CSTPP1: variants seen among roughly 807,000 people sequenced by gnomAD.
CSTPP1 encodes the protein UPF0705 protein C11orf49.
the CSTPP1 span, among the ~76,000 whole-genome samples, chr11:47,031,652 G>A: frequency 1.3e-5 from 2 of 151,456 alleles, no homozygotes; most frequent in Non-Finnish European, 1.5e-5. Context: ...AGCTATGATC[G>A]TGCCACTGCA....
At chr11:47,097,250 C>G in the CSTPP1 span, among the ~76,000 whole-genome samples, 384 of 123,008 alleles carry the variant, frequency 3.1e-3, 1 homozygote, top group Non-Finnish European at 4.5e-3. Context: ...CTCTGCCCGG[C>G]CAGCCGCCCC....
the CSTPP1 span, among the ~76,000 whole-genome samples, chr11:47,003,382 A>G: frequency 6.6e-6 from 1 of 152,210 alleles, no homozygotes; most frequent in Non-Finnish European, 1.5e-5. Context: ...AAGGAAGGAC[A>G]GTTAGGATTT....
chr11:47,152,802 A>G, the CSTPP1 span, among the ~76,000 whole-genome samples: 1 of 152,228 alleles, frequency 6.6e-6, no homozygotes, highest in Non-Finnish European at 1.5e-5. Context: ...AACAGAAGCC[A>G]TGGAACACGG....
chr11:47,023,648 A>T, the CSTPP1 span, among the ~76,000 whole-genome samples: 1 of 152,128 alleles, frequency 6.6e-6, no homozygotes, highest in African/African-American at 2.4e-5. Context: ...TCACCATGCT[A>T]CTTTCTGTAT....
chr11:47,027,877 T>C, the CSTPP1 span, among the ~76,000 whole-genome samples: 1 of 152,182 alleles, frequency 6.6e-6, no homozygotes, highest in Non-Finnish European at 1.5e-5. Context: ...ATGAAGAAGA[T>C]TGTTAGTGCT....
the CSTPP1 span, among the ~76,000 whole-genome samples, chr11:47,101,191 T>TTTTTTC: frequency 2.0e-5 from 2 of 99,768 alleles, 1 homozygote; most frequent in Non-Finnish European, 4.1e-5. Flanking sequence ...TTTTTTTTTA[T>TTTTTTC]TTTATTTTTA....
the CSTPP1 span, among the ~76,000 whole-genome samples, chr11:47,067,795 C>G: frequency 6.6e-6 from 1 of 152,238 alleles, no homozygotes; most frequent in Non-Finnish European, 1.5e-5. Flanking sequence ...CAGACTAACA[C>G]AGAGGTCTTC....
the CSTPP1 span, among the ~76,000 whole-genome samples, chr11:47,014,222 A>C: frequency 6.6e-6 from 1 of 151,470 alleles, no homozygotes; most frequent in African/African-American, 2.4e-5. Context: ...AAAAGAAAGG[A>C]AAAAGAAAGA....
chr11:46,992,690 A>G, the CSTPP1 span, among the ~76,000 whole-genome samples: 3 of 152,172 alleles, frequency 2.0e-5, no homozygotes, highest in East Asian at 1.9e-4. Context: ...TAGTGCCACA[A>G]TAAACATACA....
At chr11:47,021,118 GGTT>G in the CSTPP1 span, among the ~76,000 whole-genome samples, 1 of 152,114 alleles carries the variant, frequency 6.6e-6, no homozygotes, top group African/African-American at 2.4e-5. Flanking sequence ...TCATTGTTGT[GGTT>G]GTTGTTAACC....
the CSTPP1 span, among the ~76,000 whole-genome samples, chr11:47,125,937 A>C: frequency 6.6e-6 from 1 of 151,970 alleles, no homozygotes; most frequent in Non-Finnish European, 1.5e-5. Flanking sequence ...GAATTGCTTG[A>C]ACCCAGGAGG....
At chr11:46,945,724 T>C in the CSTPP1 span, among the ~76,000 whole-genome samples, 2 of 152,212 alleles carry the variant, frequency 1.3e-5, no homozygotes, top group African/African-American at 4.8e-5. Flanking sequence ...CCTCCCTGAA[T>C]ACCTTCTCTA....
the CSTPP1 span, among the ~76,000 whole-genome samples, chr11:47,000,521 G>T: frequency 6.6e-6 from 1 of 152,150 alleles, no homozygotes; most frequent in East Asian, 1.9e-4. Flanking sequence ...TTTAAAGGAT[G>T]ATTTTAGTTT....
the CSTPP1 span, chr11:47,130,664 A>C: frequency 6.6e-6 from 1 of 151,356 alleles, no homozygotes; most frequent in South Asian, 2.1e-4. Flanking sequence ...ACTGTCCCTC[A>C]CTCCCTTCCC....
chr11:47,149,889 AACATTTCTGGCAATAC>A, the CSTPP1 span, among the ~76,000 whole-genome samples: 1 of 151,838 alleles, frequency 6.6e-6, no homozygotes, highest in African/African-American at 2.4e-5. Context: ...CTTCTGCTTG[AACATTTCTGGCAATAC>A]ACATCTCATT....
chr11:47,163,942 G>C, the CSTPP1 span: 19 of 871,290 alleles, frequency 2.2e-5, no homozygotes, highest in Admixed American at 3.6e-4. Context: ...CACTGTACCC[G>C]GCGTTAAATA....
chr11:47,014,083 C>A, the CSTPP1 span, among the ~76,000 whole-genome samples: 2 of 152,168 alleles, frequency 1.3e-5, no homozygotes, highest in African/African-American at 2.4e-5. Flanking sequence ...GCAGTGCACA[C>A]CTGTAGTCCC....
chr11:47,002,546 C>A, the CSTPP1 span, among the ~76,000 whole-genome samples: 3 of 152,154 alleles, frequency 2.0e-5, no homozygotes, highest in African/African-American at 7.2e-5. Context: ...GGTCCCTTGA[C>A]TCGTTTAGAA....
At chr11:47,152,433 G>T in the CSTPP1 span, among the ~76,000 whole-genome samples, 6 of 152,298 alleles carry the variant, frequency 3.9e-5, no homozygotes, top group Non-Finnish European at 5.9e-5. Context: ...TCTGAGGCTG[G>T]AAGGGTGTGC....
Sources: gnomAD v4.1 joint callset for allele counts (sites outside exome capture counted in the v4.1 genomes callset) on GRCh38, gnomAD v4.1.1 for gene constraint, MANE v1.5 for transcripts, NCBI Gene and HGNC (gene_info 2026-07-23, HGNC 2026-07-21) for gene names.